The following GABRR3 variants were observed in gnomAD, a reference collection of about 807,000 sequenced individuals.
GABRR3 encodes gamma-aminobutyric acid type A receptor subunit rho3, also known as gamma-aminobutyric acid receptor subunit rho-3.
Under a neutral mutation model 43.2 loss-of-function variants are expected in GABRR3, and 29 were observed. The observed-to-expected ratio is 0.67, with a 90% confidence interval of 0.50 to 0.92. The LOEUF (loss-of-function observed/expected upper bound fraction) is 0.92. GABRR3 is among the 40% of genes least tolerant of loss of function. GABRR3 has a pLI of 0.00. For synonymous variants in GABRR3, 206 were observed against 195.9 expected, an observed-to-expected ratio of 1.05 and a Z score of -0.43; for missense variants, 576 against 572.3, an observed-to-expected ratio of 1.01 and a Z score of -0.07.
rs147677507 is a variant in GABRR3, at chr3:98,003,485, T to G, written c.755-1718A>C. ...AGGAAGTCAAACTGTGGCTCTGTCT[T>G]GTGGTTTTAGACTAGGGGTGGTATT... is the stretch of plus-strand genomic sequence containing the variant. On this transcript the variant is annotated intron_variant, in intron 7 of 9. Transcript: ENST00000621172. 2.8e-3 allele frequency among the ~76,000 whole-genome samples: 420 copies of G among 151,588 alleles called. 2 individuals carry two copies. The highest frequency in any genetic ancestry group is 9.8e-3 in the African/African-American group (405 of 41,270).
chr3:98,017,661 A>T, exon 4 of GABRR3: 1 of 1,608,762 alleles, frequency 6.2e-7, no homozygotes, highest in South Asian at 1.1e-5. Flanking sequence ...TTACCATGTT[A>T]GTCTCTGAAA....
At chr3:98,001,826 T>C (rs1484059099) in intron 7 of GABRR3, 59 bp from the exon 8 acceptor site, 5 of 1,582,686 alleles carry the variant, frequency 3.2e-6, no homozygotes, top group Non-Finnish European at 4.3e-6. Flanking sequence ...ACACTGCACT[T>C]AGTGAAATGA....
intron 5 of GABRR3, among the ~76,000 whole-genome samples, 178 bp from the exon 6 acceptor site, chr3:98,009,216 A>G (rs1706759069): frequency 6.6e-6 from 1 of 152,200 alleles, no homozygotes; most frequent in Admixed American, 6.5e-5. Context: ...TCAGGAGGGT[A>G]GATGATTTTC....
At chr3:98,032,133 C>T (rs1353755) in intron 2 of GABRR3, among the ~76,000 whole-genome samples, 111,488 of 151,020 alleles carry the variant, frequency 0.74, 41,348 homozygotes, top group East Asian at 0.99. Context: ...TAATGGTATA[C>T]TGTAGTATTT....
downstream of GABRR3, among the ~76,000 whole-genome samples, chr3:97,985,845 TTA>T (rs1382775588): frequency 0.02 from 367 of 17,980 alleles, 5 homozygotes; most frequent in South Asian, 0.072. Flanking sequence ...AAACAATATT[TTA>T]TATATATATA....
chr3:98,025,303 G>A (rs999978716), intron 3 of GABRR3, among the ~76,000 whole-genome samples: 53 of 152,292 alleles, frequency 3.5e-4, no homozygotes, highest in African/African-American at 1.3e-3. Flanking sequence ...ATAAGTTGGT[G>A]TATAGGCAAC....
intron 3 of GABRR3, among the ~76,000 whole-genome samples, chr3:98,022,657 A>G (rs756522226): frequency 2.6e-5 from 4 of 152,164 alleles, no homozygotes; most frequent in Non-Finnish European, 5.9e-5. Flanking sequence ...CCAGACTGAC[A>G]CTTCTGACTG....
chr3:97,992,813 C>T (rs1189452061), intron 9 of GABRR3, 39 bp downstream of exon 9: 1 of 1,538,738 alleles, frequency 6.5e-7, no homozygotes, highest in Non-Finnish European at 8.8e-7. Flanking sequence ...GTCTTTTCCA[C>T]ATTCCCCAAG....
intron 3 of GABRR3, among the ~76,000 whole-genome samples, chr3:98,018,111 AG>A (rs1381850044): frequency 2.0e-5 from 3 of 152,018 alleles, no homozygotes; most frequent in Non-Finnish European, 4.4e-5. Flanking sequence ...TGTACTCTTA[AG>A]TACAAATATG....
intron 3 of GABRR3, among the ~76,000 whole-genome samples, chr3:98,025,016 C>A (rs1329207777): frequency 6.6e-6 from 1 of 152,226 alleles, no homozygotes; most frequent in Non-Finnish European, 1.5e-5. Flanking sequence ...CCAGTGTTCA[C>A]ATTGCAATAT....
exon 2 of GABRR3, chr3:98,034,979 C>T (rs750624008): frequency 4.0e-5 from 65 of 1,612,070 alleles, no homozygotes; most frequent in East Asian, 1.8e-4. Flanking sequence ...ACTGGAAAGC[C>T]AGGACCATCT....
chr3:98,005,277 C>T (rs561763631), intron 7 of GABRR3, among the ~76,000 whole-genome samples: 2 of 151,798 alleles, frequency 1.3e-5, no homozygotes, highest in Non-Finnish European at 2.9e-5. Context: ...CACTCATGCA[C>T]TCATAAATAT....
rs114454242 is a variant in GABRR3, at chr3:97,996,055, A to G, written c.908-3007T>C. Among the ~76,000 whole-genome samples the G allele has an allele frequency of 4.1e-3, 618 of 152,248 alleles. 4 individuals carry two copies. Among genetic ancestry groups the G allele is most frequent in the African/African-American group, 0.014 (597 of 41,542 alleles). On this transcript the variant is annotated intron_variant, in intron 8 of 9. Coordinates refer to ENST00000621172, the Ensembl canonical transcript of GABRR3. The stretch of plus-strand genomic sequence containing the variant: ...CCCTTTAGTCTGGGGGGAATTAATA[A>G]TCTTTCAGTTTCATTGGCTATTTTT...
chr3:98,018,583 T>C (rs559037271), intron 3 of GABRR3, among the ~76,000 whole-genome samples: 43 of 152,288 alleles, frequency 2.8e-4, no homozygotes, highest in Admixed American at 7.2e-4. Flanking sequence ...GAGTCGAAAT[T>C]GATGTTAGTA....
chr3:98,011,093 C>T (rs1706784451), intron 5 of GABRR3, among the ~76,000 whole-genome samples: 1 of 152,144 alleles, frequency 6.6e-6, no homozygotes, highest in African/African-American at 2.4e-5. Context: ...CAGTGAGGCC[C>T]TGTTCCTCCC....
At chr3:98,009,112 CT>C in intron 5 of GABRR3, 74 bp from the exon 6 acceptor site, 1 of 918,670 alleles carries the variant, frequency 1.1e-6, no homozygotes, top group Non-Finnish European at 1.7e-6. Flanking sequence ...AACATTGAAG[CT>C]TTCTTACTGT....
exon 5 of GABRR3, chr3:98,012,393 T>G (rs1434841362): frequency 6.2e-7 from 1 of 1,613,962 alleles, no homozygotes; most frequent in East Asian, 2.2e-5. Context: ...AGCATGATAT[T>G]CTCCATAGTT....
In GABRR3 at chr3:98,004,547, T is replaced by C. The variant is rs138505310; in HGVS notation, c.755-2780A>G. Among the ~76,000 whole-genome samples the C allele has an allele frequency of 1.3e-4, 20 of 152,114 alleles. No homozygotes were observed. In the East Asian group the frequency reaches 3.5e-3, roughly 27 times the overall value. On this transcript the variant is annotated intron_variant, in intron 7 of 9. Coordinates refer to ENST00000621172, the Ensembl canonical transcript of GABRR3. ...GGGGCAGGAGTCATTTCTTTTTTCT[T>C]TGTAAATTTATAGTGCATGATTTTG...
intron 7 of GABRR3, among the ~76,000 whole-genome samples, chr3:98,005,174 C>A (rs1028575576): frequency 6.6e-6 from 1 of 150,974 alleles, no homozygotes; most frequent in Non-Finnish European, 1.5e-5. Context: ...GTACCTACTT[C>A]TCAGAGGTAT....
Sources: allele counts gnomAD v4.1 joint callset (sites outside exome capture counted in the v4.1 genomes callset), GRCh38; gene constraint gnomAD v4.1.1; transcripts MANE v1.5; gene names NCBI Gene and HGNC (gene_info 2026-07-23, HGNC 2026-07-21).